GLI4: variants seen among roughly 807,000 people sequenced by gnomAD.
The protein encoded by GLI4 is GLI family zinc finger 4.
A neutral mutation model predicts 30.9 loss-of-function variants in GLI4; 34 were observed. The ratio of observed to expected loss-of-function variants is 1.10; its 90% CI spans 0.84 to 1.47. The LOEUF (loss-of-function observed/expected upper bound fraction) is 1.47, where lower values mean the gene tolerates loss of function less well. GLI4 is among the 40% of genes most tolerant of loss of function. GLI4 has a pLI of 0.00. For synonymous variants in GLI4, 277 were observed against 236.7 expected (o/e 1.17, Z -1.56); for missense variants, 696 against 538.9 (o/e 1.29, Z -2.89).
chr8:143,271,388 G>T (rs113906478), intron 2 of GLI4, among the ~76,000 whole-genome samples: 1 of 152,104 alleles, frequency 6.6e-6, no homozygotes, highest in Non-Finnish European at 1.5e-5. Flanking sequence ...GGGCCAGGCC[G>T]CAGCAATGGG....
In GLI4 at chr8:143,276,012, C is replaced by T; in HGVS notation, c.339C>T (p.Cys113=). The part of the protein sequence containing the change: ...LLRSLPRRAR[C]SAGFGPESSA... ...GGAGCCTTCCCCGCAGGGCCCGGTG[C>T]AGCGCCGGCTTCGGGCCTGAATCCA... The change falls in exon 4 of 4, where the codon TGC becomes TGT. Residue 113 remains cysteine, a synonymous_variant. Transcript: ENST00000340042. The T allele has an allele frequency of 1.4e-6, 2 of 1,411,434 alleles. No homozygotes were observed. The highest frequency in any genetic ancestry group is 3.0e-5 in the East Asian group (1 of 32,962). The allele number at this position is 1,411,434 out of a possible 1,614,324, so 87.4% of individuals were successfully genotyped here. A position where few individuals can be genotyped will look rare whatever the true frequency, so the allele number is the denominator to read the frequency against.
chr8:143,269,444 T>C lies in GLI4; in HGVS notation c.48T>C (p.Pro16=). Residue 16 remains proline (P), a synonymous_variant, in exon 2 of 4, where the codon CCT becomes CCC. Transcript: ENST00000340042. ...DIQESPSVPS[P]VSLSSPGTPG... ...AGGAGTCCCCTTCTGTCCCGTCCCCTGTCAGTCTCTCATCACCGGGGACAC... is the reference window on the plus strand; with the variant it reads ...AGGAGTCCCCTTCTGTCCCGTCCCCCGTCAGTCTCTCATCACCGGGGACAC... 4 of 1,608,654 alleles carry C rather than the reference T, an allele frequency of 2.5e-6. No homozygotes were observed. The highest frequency in any genetic ancestry group is 2.6e-6 in the Non-Finnish European group (3 of 1,175,532).
chr8:143,276,003 G>A lies in GLI4; in HGVS notation c.330G>A (p.Arg110=). Reference sequence around the variant, plus strand: ...GCCTCCTGAGGAGCCTTCCCCGCAGGGCCCGGTGCAGCGCCGGCTTCGGGC... The same window carrying A: ...GCCTCCTGAGGAGCCTTCCCCGCAGAGCCCGGTGCAGCGCCGGCTTCGGGC... The part of the protein sequence containing the change: ...LRSLLRSLPR[R]ARCSAGFGPE... The change falls in exon 4 of 4, where the codon AGG becomes AGA. Residue 110 remains arginine, a synonymous_variant. Coordinates refer to ENST00000340042, the MANE Select transcript of GLI4 (RefSeq NM_138465.4). 7.1e-7 allele frequency: 1 copy of A among 1,410,628 alleles called. No homozygotes were observed. Among genetic ancestry groups the A allele is most frequent in the Admixed American group, 2.9e-5 (1 of 33,946 alleles). The allele number at this position is 1,410,628 out of a possible 1,614,324, so 87.4% of individuals were successfully genotyped here.
At chr8:143,269,569 C>CA in intron 2 of GLI4, 49 bp downstream of exon 2, 1 of 1,505,592 alleles carries the variant, frequency 6.6e-7, no homozygotes. Context: ...CCCCTGCCCT[C>CA]ACGTCCCCTG....
At position 143,275,883 on chromosome 8, in the gene GLI4, G is replaced by C; in HGVS notation, c.224-14G>C. On this transcript the variant is annotated splice_polypyrimidine_tract_variant and intron_variant, in intron 3 of 3. Coordinates refer to ENST00000340042, the MANE Select transcript of GLI4 (RefSeq NM_138465.4). Reference sequence around the variant, plus strand: ...CATGCGGGTACTATCCGCCTCTGCCGTTTCTCATTTCAGACTCCGAGCCCA... The same window carrying C: ...CATGCGGGTACTATCCGCCTCTGCCCTTTCTCATTTCAGACTCCGAGCCCA... The C allele has an allele frequency of 7.8e-7, 1 of 1,276,568 alleles. No individual in the cohort carries two copies. The highest frequency in any genetic ancestry group is 9.9e-7 in the Non-Finnish European group (1 of 1,009,822). 79.1% of individuals were successfully genotyped at this position (1,276,568 alleles called of 1,614,324 possible). A position where few individuals can be genotyped will look rare whatever the true frequency, so the allele number is the denominator to read the frequency against.
intron 3 of GLI4, 79 bp downstream of exon 3, chr8:143,274,881 A>T: frequency 6.7e-7 from 1 of 1,501,010 alleles, no homozygotes; most frequent in South Asian, 1.3e-5. Flanking sequence ...CCTCTGTGGC[A>T]CCCCCAATGC....
At chr8:143,271,175 T>G (rs1430077034) in intron 2 of GLI4, among the ~76,000 whole-genome samples, 1 of 151,890 alleles carries the variant, frequency 6.6e-6, no homozygotes, top group African/African-American at 2.4e-5. Context: ...CTTGCTGTGC[T>G]AGAAACAACA....
chr8:143,275,752 T>C lies in GLI4; in HGVS notation c.224-145T>C, dbSNP rs529241714. 16 of 1,238,438 alleles carry C rather than the reference T, an allele frequency of 1.3e-5. No individual in the cohort carries two copies. In the Admixed American group the frequency reaches 1.7e-4, roughly 13 times the overall value. The allele number at this position is 1,238,438 out of a possible 1,614,324, so 76.7% of individuals were successfully genotyped here. On this transcript the variant is annotated intron_variant, in intron 3 of 3. Transcript: ENST00000340042. Reference sequence around the variant, plus strand: ...CACGGCACTCCGAGCCCCTGTCCGCTTGTCTCCCATCCACTGGGTGCCTGG... The same window carrying C: ...CACGGCACTCCGAGCCCCTGTCCGCCTGTCTCCCATCCACTGGGTGCCTGG...
At chr8:143,271,236 T>C (rs988436264) in intron 2 of GLI4, among the ~76,000 whole-genome samples, 1 of 152,010 alleles carries the variant, frequency 6.6e-6, no homozygotes, top group Non-Finnish European at 1.5e-5. Context: ...TGTGGCTGCT[T>C]TCCCCCAGCA....
chr8:143,272,621 T>C (rs1003831136), intron 2 of GLI4: 1 of 152,218 alleles, frequency 6.6e-6, no homozygotes, highest in African/African-American at 2.4e-5. Flanking sequence ...AGGGTCTGGG[T>C]GTGCACCCTG....
rs1402374008 is a variant in GLI4, at chr8:143,274,798, G to A, written c.219G>A (p.Trp73Ter). The change falls in exon 3 of 4, where the codon TGG becomes TGA. Residue 73 changes from tryptophan to a stop codon, truncating the protein, a stop_gained. Coordinates refer to ENST00000340042, the MANE Select transcript of GLI4 (RefSeq NM_138465.4). LOFTEE classifies it low-confidence loss of function (END_TRUNC). ...EEVEIGRDTF[W>*]PDSEPKPEQA... ...TGGAGATCGGCAGAGACACCTTCTG[G>A]CCCGGTGAGTGAGCAGAATCGGGTT... is the stretch of plus-strand genomic sequence containing the variant. The A allele has an allele frequency of 6.4e-7, 1 of 1,558,644 alleles. No individual in the cohort carries two copies. The highest frequency in any genetic ancestry group is 8.7e-7 in the Non-Finnish European group (1 of 1,148,584).
chr8:143,268,868 G>A (rs1046701066), intron 1 of GLI4, among the ~76,000 whole-genome samples: 2 of 17,722 alleles, frequency 1.1e-4, no homozygotes, highest in Non-Finnish European at 3.3e-4. Flanking sequence ...GCTGTTGTTT[G>A]AGTCTTGCTG....
chr8:143,275,703 T>C (rs1586729795), intron 3 of GLI4, 194 bp from the exon 4 acceptor site: 1 of 1,239,628 alleles, frequency 8.1e-7, no homozygotes, highest in Non-Finnish European at 1.0e-6. Context: ...CCCCCACCCC[T>C]GTGTCTATGT....
intron 1 of GLI4, among the ~76,000 whole-genome samples, chr8:143,268,838 T>TTGCTGC (rs201537418): frequency 4.1e-5 from 6 of 148,022 alleles, no homozygotes; most frequent in East Asian, 2.0e-4. Flanking sequence ...CGTTACTCCT[T>TTGCTGC]TGCTGCTGCT....
intron 2 of GLI4, among the ~76,000 whole-genome samples, chr8:143,270,964 T>G (rs1815255646): frequency 6.6e-6 from 1 of 151,284 alleles, no homozygotes; most frequent in East Asian, 2.0e-4. Flanking sequence ...CCAGGCCCCC[T>G]GAGCCTGCAG....
intron 3 of GLI4, chr8:143,275,426 G>A: frequency 3.6e-6 from 5 of 1,376,858 alleles, no homozygotes; most frequent in Non-Finnish European, 4.7e-6. Flanking sequence ...GGTGGGCATG[G>A]GAGCTGGGCG....
intron 1 of GLI4, chr8:143,267,900 G>A (rs1815173732): frequency 1.0e-5 from 10 of 985,444 alleles, no homozygotes; most frequent in African/African-American, 1.7e-5. Context: ...CCGCTCCCAC[G>A]GGGCTGGGAA....
chr8:143,269,626 T>C, intron 2 of GLI4, 106 bp downstream of exon 2: 2 of 910,590 alleles, frequency 2.2e-6, no homozygotes, highest in South Asian at 1.3e-5. Context: ...GAGAGGCGCC[T>C]CCAGACACCT....
chr8:143,276,805 C>A lies in GLI4; in HGVS notation c.*1C>A, dbSNP rs74752188. ...CCAGCGGGTGCACTACCGCGAGTAG[C>A]CGGGCGGGGGCTCGGGGCTCGGCCT... On this transcript the variant is annotated 3_prime_UTR_variant, in exon 4 of 4. Transcript: ENST00000340042. The A allele has an allele frequency of 3.2e-6, 5 of 1,546,174 alleles. No homozygotes were observed. The South Asian group carries it at 6.0e-5, about 19-fold the overall frequency.
Sources: gnomAD v4.1 joint callset for allele counts (sites outside exome capture counted in the v4.1 genomes callset) on GRCh38, gnomAD v4.1.1 for gene constraint, MANE v1.5 for transcripts, NCBI Gene and HGNC (gene_info 2026-07-23, HGNC 2026-07-21) for gene names.